Variants in SMARCA4 observed in about 807,000 individuals in gnomAD.
SMARCA4 encodes the protein SWI/SNF-related matrix-associated actin-dependent regulator of chromatin subfamily A member 4.
A neutral mutation model predicts 193.9 loss-of-function variants in SMARCA4; 31 were observed. The ratio of observed to expected loss-of-function variants is 0.16; its 90% confidence interval spans 0.12 to 0.22. The LOEUF (loss-of-function observed/expected upper bound fraction) is 0.22, where lower values mean the gene tolerates loss of function less well. Among genes scored for constraint, SMARCA4 ranks in the 10% least tolerant of loss-of-function variants. SMARCA4 has a pLI of 1.00. For missense variants in SMARCA4, 1,148 were observed against 2,296.0 expected (o/e 0.50, Z 10.22); for synonymous variants, 942 against 933.1 (o/e 1.01, Z -0.17).
chr19:11,024,868 G>T (rs1249489132), intron 21 of SMARCA4, among the ~76,000 whole-genome samples: 191 of 151,918 alleles, frequency 1.3e-3, no homozygotes, highest in Non-Finnish European at 5.9e-5. Flanking sequence ...CCTTGATTCT[G>T]CCCCCAAGGC....
Position 10,984,286 on chromosome 19 carries a change from C to T in SMARCA4, c.135C>T (p.Pro45=), listed in dbSNP as rs2145724325. 6.2e-7 allele frequency: 1 copy of T among 1,609,652 alleles called. No homozygotes were observed. The highest frequency in any genetic ancestry group is 1.1e-5 in the South Asian group (1 of 90,420). The change falls in exon 2 of 35, where the codon CCC becomes CCT. Residue 45 remains proline, a synonymous_variant. Transcript: ENST00000344626. This position sits in a 1 kb window ranked among gnomAD's most constrained non-coding sequence, Gnocchi z 4.3. ...SPGSAHSMMG[P]SPGPPSAGHP... The stretch of plus-strand genomic sequence containing the variant: ...GCTCCGCCCACAGCATGATGGGGCC[C>T]AGCCCAGGGCCGCCCTCAGCAGGAC...
intron 30 of SMARCA4, among the ~76,000 whole-genome samples, chr19:11,050,985 G>A: frequency 6.6e-6 from 1 of 152,258 alleles, no homozygotes; most frequent in East Asian, 1.9e-4. Context: ...CCCCAGGCAT[G>A]CCCACTTATG....
Position 10,986,117 on chromosome 19 carries a change from G to A in SMARCA4, c.356-72G>A, listed in dbSNP as rs2086003166. 3 of 1,286,672 alleles carry A rather than the reference G, an allele frequency of 2.3e-6. No homozygotes were observed. The highest frequency in any genetic ancestry group is 1.7e-5 in the Admixed American group (1 of 58,630). The allele number at this position is 1,286,672 out of a possible 1,614,324, so 79.7% of individuals were successfully genotyped here. On this transcript the variant is annotated intron_variant, in intron 3 of 34. Transcript: ENST00000344626. The surrounding 1 kb of genome is among the most constrained non-coding windows in gnomAD (Gnocchi z 6.7). ...GCCCTGTCTCAGAGTAGGAGCTGGT[G>A]TAGGGGGAAGAGGCTGTAAAAATCA...
chr19:11,005,716 A>T (rs2088138171), intron 13 of SMARCA4, among the ~76,000 whole-genome samples: 2 of 152,128 alleles, frequency 1.3e-5, no homozygotes, highest in Non-Finnish European at 2.9e-5. Flanking sequence ...GCAGCTCTCC[A>T]GCTGTAAGAG....
chr19:10,997,472 T>A (rs952745210), intron 11 of SMARCA4, among the ~76,000 whole-genome samples: 3 of 152,112 alleles, frequency 2.0e-5, no homozygotes, highest in Non-Finnish European at 2.9e-5. Flanking sequence ...ATTACAGGCT[T>A]GATCCACCAT....
chr19:11,033,833 G>A lies in SMARCA4; in HGVS notation c.3841G>A (p.Val1281Ile), dbSNP rs587778685. 2.7e-5 allele frequency: 21 copies of A among 779,410 alleles called. No individual in the cohort carries two copies. Among genetic ancestry groups the A allele is most frequent in the South Asian group, 1.9e-4 (14 of 74,626 alleles). 48.3% of individuals were successfully genotyped at this position (779,410 alleles called of 1,614,324 possible). The part of the protein sequence containing the change: ...FAHTAPPPAG[V>I]NPDLEEPPLK... The stretch of plus-strand genomic sequence containing the variant: ...CCACACTGCCCCTCCGCCAGCGGGC[G>A]TCAACCCCGACTTGGAGGAGCCACC... The change falls in exon 27 of 35, where the codon GTC becomes ATC. Residue 1281 changes from valine to isoleucine, a missense_variant. Coordinates refer to ENST00000344626, the MANE Select transcript of SMARCA4 (RefSeq NM_003072.5). The surrounding 1 kb of genome is among the most constrained non-coding windows in gnomAD (Gnocchi z 9.8).
At chr19:10,963,605 C>A (rs953437010) in intron 1 of SMARCA4, among the ~76,000 whole-genome samples, 7 of 152,092 alleles carry the variant, frequency 4.6e-5, no homozygotes, top group Non-Finnish European at 1.0e-4. Context: ...CTCTCTAAAT[C>A]GTAGCTTAAC....
chr19:11,023,987 C>T (rs375814432), intron 20 of SMARCA4, among the ~76,000 whole-genome samples: 3 of 152,330 alleles, frequency 2.0e-5, no homozygotes, highest in Admixed American at 1.3e-4. Flanking sequence ...TGCAGCCACA[C>T]CCCTGGGCCC....
At chr19:11,050,817 G>C (rs1200998932) in intron 30 of SMARCA4, among the ~76,000 whole-genome samples, 2 of 152,270 alleles carry the variant, frequency 1.3e-5, no homozygotes, top group African/African-American at 4.8e-5. Flanking sequence ...TGCAGGTGGA[G>C]GGTGGGCAGG....
chr19:10,985,517 T>G lies in SMARCA4; in HGVS notation c.355+112T>G. The stretch of plus-strand genomic sequence containing the variant: ...GATTCAGGGAGTACCTAGGATGATG[T>G]AGCCGGGTGGGTGGCCCGCCACAGA... On this transcript the variant is annotated intron_variant, in intron 3 of 34. Transcript: ENST00000344626. The surrounding 1 kb of genome is among the most constrained non-coding windows in gnomAD (Gnocchi z 4.5). The G allele has an allele frequency of 7.4e-7, 1 of 1,342,638 alleles. No homozygotes were observed. The highest frequency in any genetic ancestry group is 1.0e-6 in the Non-Finnish European group (1 of 969,658). The allele number at this position is 1,342,638 out of a possible 1,614,324, so 83.2% of individuals were successfully genotyped here.
At chr19:10,996,792 G>A (rs749582232) in intron 11 of SMARCA4, among the ~76,000 whole-genome samples, 65 of 152,086 alleles carry the variant, frequency 4.3e-4, no homozygotes, top group Admixed American at 1.6e-3. Flanking sequence ...TGTAACGTCC[G>A]ACTTACAGGA....
At chr19:11,009,007 C>CTTTTTTTTTTTTTTTTTTTTTTTT (rs762148337) in intron 14 of SMARCA4, among the ~76,000 whole-genome samples, 1 of 40,948 alleles carries the variant, frequency 2.4e-5, no homozygotes, top group African/African-American at 1.0e-4. Context: ...ATAAAAGTCA[C>CTTTTTTTTTTTTTTTTTTTTTTTT]TTTTTTTTTT....
chr19:10,987,743 C>G lies in SMARCA4; in HGVS notation c.937C>G (p.Pro313Ala), dbSNP rs1195480403. ...IPPQPTGRPS[P>A]APPAVPPAAS... ...CCCGCAGCCAACGGGCCGCCCTTCCCCCGCGCCCCCTGCCGTCCCACCCGC... is the reference window on the plus strand; with the variant it reads ...CCCGCAGCCAACGGGCCGCCCTTCCGCCGCGCCCCCTGCCGTCCCACCCGC... Residue 313 changes from proline to alanine, a missense_variant, in exon 6 of 35, where the codon CCC becomes GCC. Pro to Ala is a conservative substitution (Grantham distance 27, BLOSUM62 -1). This residue lies in a region of SMARCA4 where 257 missense variants were observed against 276.5 expected (regional missense o/e 0.93). Coordinates refer to ENST00000344626, the MANE Select transcript of SMARCA4 (RefSeq NM_003072.5). The surrounding 1 kb of genome is among the most constrained non-coding windows in gnomAD (Gnocchi z 5.3). 1 of 1,602,552 alleles carries G rather than the reference C, an allele frequency of 6.2e-7. No homozygotes were observed. The highest frequency in any genetic ancestry group is 2.3e-5 in the East Asian group (1 of 44,370).
At position 11,059,994 on chromosome 19, in the gene SMARCA4, G is replaced by C. The variant is rs758839533; in HGVS notation, c.4769-51G>C. ...CTCCCAGACGCCCCTTGCTGTGGGG[G>C]TGCTGCATTCCCAGAGCTCAAGGCT... is the stretch of plus-strand genomic sequence containing the variant. On this transcript the variant is annotated intron_variant, in intron 33 of 34. Transcript: ENST00000344626. 1.9e-6 allele frequency: 3 copies of C among 1,607,710 alleles called. No individual in the cohort carries two copies. In the African/African-American group the frequency reaches 4.0e-5, roughly 22 times the overall value.
chr19:10,983,131 G>C (rs1411337365), intron 1 of SMARCA4, among the ~76,000 whole-genome samples: 1 of 152,158 alleles, frequency 6.6e-6, no homozygotes, highest in Non-Finnish European at 1.5e-5. Flanking sequence ...TTCAGCCAGC[G>C]AGGGCCTTCA....
chr19:11,008,982 A>T (rs918821092), intron 14 of SMARCA4, among the ~76,000 whole-genome samples: 1 of 150,456 alleles, frequency 6.6e-6, no homozygotes, highest in Non-Finnish European at 1.5e-5. Flanking sequence ...TCAAAAAAAA[A>T]AAAAATGTAG....
At chr19:11,039,743 G>C in intron 29 of SMARCA4, 1 of 389,856 alleles carries the variant, frequency 2.6e-6, no homozygotes, top group Non-Finnish European at 4.5e-6. Flanking sequence ...GAGCCCAGGA[G>C]TTAAAGTCCA....
At chr19:11,020,735 G>A (rs1409633222) in intron 18 of SMARCA4, 5 of 152,310 alleles carry the variant, frequency 3.3e-5, no homozygotes, top group Admixed American at 2.6e-4. Flanking sequence ...GGTATGGGGG[G>A]ATGGAGGAGC....
At chr19:10,975,882 GC>G (rs2085086312) in intron 1 of SMARCA4, among the ~76,000 whole-genome samples, 1 of 152,164 alleles carries the variant, frequency 6.6e-6, no homozygotes, top group South Asian at 2.1e-4. Flanking sequence ...CCTTGTGGAG[GC>G]CCCGGCAGCA....
Sources: allele counts gnomAD v4.1 joint callset (sites outside exome capture counted in the v4.1 genomes callset), GRCh38; gene constraint gnomAD v4.1.1; regional missense constraint gnomAD v4.1.1; non-coding constraint Gnocchi (gnomAD v3.1); transcripts MANE v1.5; gene names NCBI Gene and HGNC (gene_info 2026-07-23, HGNC 2026-07-21).